Variants in TANGO6 observed in about 807,000 individuals in gnomAD.
The protein encoded by TANGO6 is transport and Golgi organization protein 6 homolog.
TANGO6 carries 90 observed loss-of-function variants against 114.2 expected under a neutral mutation model. The observed-to-expected ratio is 0.79, with a 90% CI of 0.66 to 0.94. TANGO6 has a LOEUF of 0.94. TANGO6 is among the 40% of genes least tolerant of loss of function. The probability of loss-of-function intolerance (pLI) is 0.00; values close to 1 mark genes in which losing one functional copy is unlikely to be tolerated. For missense variants in TANGO6, 1,274 were observed against 1,315.3 expected, an observed-to-expected ratio of 0.97 and a Z score of 0.49; for synonymous variants, 477 against 509.8, an observed-to-expected ratio of 0.94 and a Z score of 0.87.
chr16:69,082,863 A>G (rs1252777016), intron 17 of TANGO6, among the ~76,000 whole-genome samples: 1 of 152,176 alleles, frequency 6.6e-6, no homozygotes, highest in African/African-American at 2.4e-5. Context: ...GGGAGCAACC[A>G]TATCTGGGCA....
In TANGO6 at chr16:68,920,075, A is replaced by G. The variant is rs186110681; in HGVS notation, c.2127+856A>G. ...AAAAAATTAAACAAACAAAACCTAC[A>G]TATTGCATACTTGTGTGCCACACAT... On this transcript the variant is annotated intron_variant, in intron 12 of 17. Transcript: ENST00000261778. Among the ~76,000 whole-genome samples, 81 of 152,310 alleles carry G rather than the reference A, an allele frequency of 5.3e-4. No individual in the cohort carries two copies. The Middle Eastern group carries it at 0.01, about 19-fold the overall frequency.
chr16:68,974,266 G>T, intron 15 of TANGO6, 98 bp downstream of exon 15: 14 of 1,435,868 alleles, frequency 9.8e-6, no homozygotes, highest in Non-Finnish European at 1.3e-5. Flanking sequence ...CACTAGTGTG[G>T]TGAGGGTAGT....
intron 14 of TANGO6, among the ~76,000 whole-genome samples, chr16:68,952,735 T>C (rs555855058): frequency 5.9e-5 from 9 of 152,096 alleles, no homozygotes; most frequent in Non-Finnish European, 1.2e-4. Context: ...GTGGTATCTC[T>C]CCTGCCCCAG....
chr16:68,937,824 A>T (rs1228187563), intron 14 of TANGO6: 1 of 152,118 alleles, frequency 6.6e-6, no homozygotes, highest in Non-Finnish European at 1.5e-5. Flanking sequence ...TTTGGCTATT[A>T]TGACGAGATC....
At chr16:69,043,327 A>C (rs1959802966) in intron 17 of TANGO6, among the ~76,000 whole-genome samples, 2 of 147,300 alleles carry the variant, frequency 1.4e-5, no homozygotes, top group East Asian at 3.9e-4. Flanking sequence ...TGTGTGTAGC[A>C]GAGGAAAATG....
intron 15 of TANGO6, among the ~76,000 whole-genome samples, chr16:69,008,728 T>C (rs890784841): frequency 6.6e-6 from 1 of 151,994 alleles, no homozygotes; most frequent in African/African-American, 2.4e-5. Flanking sequence ...CCACAACCTC[T>C]GCCTCCCAGG....
chr16:69,067,537 A>AAAAAAAAAAAAAAAAG (rs1960233882), intron 17 of TANGO6, among the ~76,000 whole-genome samples: 2 of 148,190 alleles, frequency 1.3e-5, no homozygotes, highest in Non-Finnish European at 3.0e-5. Context: ...AAAAAAAAAA[A>AAAAAAAAAAAAAAAAG]CGCTGGGCGC....
At chr16:68,941,944 C>A (rs1235397621) in intron 14 of TANGO6, among the ~76,000 whole-genome samples, 3 of 151,856 alleles carry the variant, frequency 2.0e-5, no homozygotes, top group Non-Finnish European at 4.4e-5. Context: ...ATAGGAAGAC[C>A]CCCCATCTCT....
At chr16:68,968,580 G>C (rs565987361) in intron 14 of TANGO6, among the ~76,000 whole-genome samples, 9 of 151,586 alleles carry the variant, frequency 5.9e-5, no homozygotes, top group African/African-American at 2.2e-4. Context: ...GGTCAGGCTG[G>C]TCTCGAACTC....
At chr16:68,882,428 C>T (rs1962476295) in intron 7 of TANGO6, among the ~76,000 whole-genome samples, 1 of 151,502 alleles carries the variant, frequency 6.6e-6, no homozygotes. Context: ...ACCTGGAAGG[C>T]AGAGCTTGCA....
In TANGO6 at chr16:68,859,951, G is replaced by A; in HGVS notation, c.162G>A (p.Leu54=). The change falls in exon 2 of 18, where the codon CTG becomes CTA. Residue 54 remains leucine, a synonymous_variant. Transcript: ENST00000261778. ...TGTTGGCTACTTTAAAATCTAACCT[G>A]TCTGCTTTGGAGGACAAGTTTCTGA... The part of the protein sequence containing the change: ...DVLLATLKSN[L]SALEDKFLKD... The A allele has an allele frequency of 6.2e-7, 1 of 1,611,716 alleles. No individual in the cohort carries two copies. Among genetic ancestry groups the A allele is most frequent in the South Asian group, 1.1e-5 (1 of 90,988 alleles).
intron 14 of TANGO6, among the ~76,000 whole-genome samples, chr16:68,934,157 G>C (rs78519837): frequency 0.09 from 13,574 of 151,232 alleles, 711 homozygotes; most frequent in African/African-American, 0.13. Context: ...GTCCTACCAC[G>C]TCTGCCTCCT....
Position 68,860,229 on chromosome 16 carries a change from T to C in TANGO6, c.440T>C (p.Phe147Ser). 1.9e-6 allele frequency: 3 copies of C among 1,614,038 alleles called. No homozygotes were observed. Among genetic ancestry groups the C allele is most frequent in the Non-Finnish European group, 2.5e-6 (3 of 1,179,898 alleles). The change falls in exon 2 of 18, where the codon TTC becomes TCC. Residue 147 changes from phenylalanine (F) to serine (S), a missense_variant. Transcript: ENST00000261778. ...LSISQQKTVQ[F>S]VLQFVVTLGI... ...ATCTCACAACAGAAGACTGTCCAGT[T>C]CGTTTTGCAGTTTGTAGTTACCTTG... is the stretch of plus-strand genomic sequence containing the variant.
At chr16:68,861,863 A>T (rs935535582) in intron 2 of TANGO6, among the ~76,000 whole-genome samples, 1 of 152,164 alleles carries the variant, frequency 6.6e-6, no homozygotes, top group Non-Finnish European at 1.5e-5. Context: ...GTTATGGCTC[A>T]AGGGTACCCC....
At chr16:69,060,972 C>G (rs1020122214) in intron 17 of TANGO6, among the ~76,000 whole-genome samples, 2 of 150,604 alleles carry the variant, frequency 1.3e-5, no homozygotes, top group African/African-American at 4.9e-5. Flanking sequence ...AGCCTGGTAA[C>G]AGAGGGAGAC....
At chr16:68,985,858 G>A (rs9924306) in intron 15 of TANGO6, among the ~76,000 whole-genome samples, 13,009 of 152,146 alleles carry the variant, frequency 0.086, 644 homozygotes, top group African/African-American at 0.12. Context: ...AATGTTTTTC[G>A]GGTTTTGTTT....
intron 15 of TANGO6, among the ~76,000 whole-genome samples, chr16:68,976,983 G>A (rs1251877917): frequency 1.3e-5 from 2 of 152,122 alleles, no homozygotes; most frequent in Non-Finnish European, 2.9e-5. Flanking sequence ...CTTAACTTCA[G>A]CTTGGGCAAT....
intron 6 of TANGO6, among the ~76,000 whole-genome samples, chr16:68,879,840 T>C (rs1166858082): frequency 1.3e-5 from 2 of 151,736 alleles, no homozygotes; most frequent in Non-Finnish European, 2.9e-5. Context: ...ATGGTCTCAG[T>C]CTCCTGACCT....
chr16:69,000,368 A>G (rs1964029516), intron 15 of TANGO6, among the ~76,000 whole-genome samples: 1 of 152,236 alleles, frequency 6.6e-6, no homozygotes, highest in Admixed American at 6.5e-5. Flanking sequence ...CTTGTCAAAT[A>G]TCAAAGGCTT....
Sources: gnomAD v4.1 joint callset for allele counts (sites outside exome capture counted in the v4.1 genomes callset) on GRCh38, gnomAD v4.1.1 for gene constraint, MANE v1.5 for transcripts, NCBI Gene and HGNC (gene_info 2026-07-23, HGNC 2026-07-21) for gene names.